SEC24B: variants seen among roughly 807,000 people sequenced by gnomAD.
SEC24B encodes the protein SEC24 homolog B, COPII component.
Under a neutral mutation model 142.8 loss-of-function variants are expected in SEC24B, and 45 were observed. The ratio of observed to expected loss-of-function variants is 0.32; its 90% CI spans 0.25 to 0.40. The LOEUF (loss-of-function observed/expected upper bound fraction) is 0.40. Among genes scored for constraint, SEC24B ranks in the 10% least tolerant of loss-of-function variants. The pLI, the probability that SEC24B is intolerant of heterozygous loss-of-function variation, is 1.00. For synonymous variants in SEC24B, 574 were observed against 568.2 expected (o/e 1.01, Z -0.15); for missense variants, 1,409 against 1,526.8 (o/e 0.92, Z 1.29).
intron 2 of SEC24B, among the ~76,000 whole-genome samples, chr4:109,470,446 A>G (rs1316090825): frequency 2.6e-5 from 4 of 152,228 alleles, no homozygotes; most frequent in African/African-American, 4.8e-5. Flanking sequence ...GGATGCCTCT[A>G]TGGCAAATGA....
In SEC24B at chr4:109,538,483, C is replaced by A. The variant is rs1411972660; in HGVS notation, c.3589-10C>A. ...AAAGGAAAGTTTCCTAATTGTATTTCTTTTACCAGACACATCTTCCAGAGC... is the reference window on the plus strand; with the variant it reads ...AAAGGAAAGTTTCCTAATTGTATTTATTTTACCAGACACATCTTCCAGAGC... On this transcript the variant is annotated splice_polypyrimidine_tract_variant and intron_variant, in intron 22 of 23. Coordinates refer to ENST00000265175, the MANE Select transcript of SEC24B (RefSeq NM_006323.5). 2 of 1,584,826 alleles carry A rather than the reference C, an allele frequency of 1.3e-6. No individual in the cohort carries two copies. Among genetic ancestry groups the A allele is most frequent in the Non-Finnish European group, 1.7e-6 (2 of 1,153,924 alleles).
intron 22 of SEC24B, 61 bp downstream of exon 22, chr4:109,533,746 A>G: frequency 1.0e-6 from 1 of 983,558 alleles, no homozygotes; most frequent in Admixed American, 2.1e-5. Flanking sequence ...TTGATGTAAA[A>G]TTCATGTAAT....
chr4:109,481,739 A>G lies in SEC24B; in HGVS notation c.1123A>G (p.Thr375Ala), dbSNP rs1340491606. 6.8e-6 allele frequency: 11 copies of G among 1,613,796 alleles called. No homozygotes were observed. The highest frequency in any genetic ancestry group is 1.7e-5 in the Admixed American group (1 of 60,020). ...ASSAPTPLSS[T>A]SDDEEEEEED... The stretch of plus-strand genomic sequence containing the variant: ...CTCCGCACCAACTCCCTTGTCATCA[A>G]CTTCCGATGATGAGGAAGAGGAGGA... Residue 375 changes from threonine (T) to alanine (A), a missense_variant, in exon 4 of 24, where the codon ACT becomes GCT. Around this residue, in one of 2 missense-constraint regions of SEC24B, gnomAD observed 709 missense variants for 673.5 expected, o/e 1.05. Transcript: ENST00000265175.
chr4:109,531,915 A>G (rs758940547), intron 20 of SEC24B, among the ~76,000 whole-genome samples: 8 of 152,122 alleles, frequency 5.3e-5, no homozygotes, highest in Non-Finnish European at 1.0e-4. Context: ...GCTGGAGTGC[A>G]GTGGTGTGAT....
intron 10 of SEC24B, among the ~76,000 whole-genome samples, chr4:109,514,358 G>C (rs1383716228): frequency 6.6e-6 from 1 of 151,976 alleles, no homozygotes; most frequent in Non-Finnish European, 1.5e-5. Context: ...CTGGCCCTAA[G>C]GTTTGCTCAT....
At chr4:109,437,785 TG>T (rs1211394103) in intron 1 of SEC24B, among the ~76,000 whole-genome samples, 1 of 152,098 alleles carries the variant, frequency 6.6e-6, no homozygotes, top group East Asian at 1.9e-4. Context: ...CCACCACTCC[TG>T]GGTAATTTTT....
intron 2 of SEC24B, among the ~76,000 whole-genome samples, chr4:109,467,467 T>C (rs1040593856): frequency 9.2e-5 from 14 of 152,146 alleles, no homozygotes; most frequent in African/African-American, 3.1e-4. Context: ...AAACTGTCAC[T>C]GTAGTTGAAT....
At position 109,516,522 on chromosome 4, in the gene SEC24B, T is replaced by G. The variant is rs1306632480; in HGVS notation, c.2014-6T>G. 2.5e-6 allele frequency: 4 copies of G among 1,576,232 alleles called. No individual in the cohort carries two copies. The Admixed American group carries it at 6.8e-5, about 27-fold the overall frequency. On this transcript the variant is annotated splice_polypyrimidine_tract_variant and splice_region_variant and intron_variant, in intron 10 of 23. Transcript: ENST00000265175. The stretch of plus-strand genomic sequence containing the variant: ...AAATAACTTACTTTATTTTTATTCC[T>G]TTCAGCTGCGTCCTCCTCAACCTGC...
chr4:109,529,168 T>G (rs1724611451), intron 18 of SEC24B, among the ~76,000 whole-genome samples: 1 of 150,678 alleles, frequency 6.6e-6, no homozygotes, highest in African/African-American at 2.4e-5. Context: ...GTCTCGGGGG[T>G]GGGGGGAAAA....
At chr4:109,528,075 T>C (rs1423601791) in intron 18 of SEC24B, among the ~76,000 whole-genome samples, 1 of 152,002 alleles carries the variant, frequency 6.6e-6, no homozygotes, top group African/African-American at 2.4e-5. Context: ...CTCAAAGACA[T>C]TGTGCTGAAT....
chr4:109,490,664 A>G (rs551343406), intron 4 of SEC24B, among the ~76,000 whole-genome samples: 1 of 152,244 alleles, frequency 6.6e-6, no homozygotes, highest in South Asian at 2.1e-4. Flanking sequence ...ATAAATTGTC[A>G]CTGAACTCTC....
At chr4:109,521,651 A>G (rs1723625024) in intron 14 of SEC24B, 25 bp downstream of exon 14, 1 of 1,464,064 alleles carries the variant, frequency 6.8e-7, no homozygotes, top group Admixed American at 1.8e-5. Flanking sequence ...GTTTTTTGTC[A>G]TATTCAAGAT....
chr4:109,445,648 G>A (rs949860619), intron 1 of SEC24B, among the ~76,000 whole-genome samples: 6 of 150,924 alleles, frequency 4.0e-5, no homozygotes, highest in South Asian at 2.1e-4. Context: ...GGCTCACTGC[G>A]GCCTCAATCT....
chr4:109,484,878 G>A (rs957893497), intron 4 of SEC24B, among the ~76,000 whole-genome samples: 10 of 150,524 alleles, frequency 6.6e-5, no homozygotes, highest in Admixed American at 2.6e-4. Context: ...AAAAGATTTA[G>A]CATTTATGGC....
intron 1 of SEC24B, among the ~76,000 whole-genome samples, chr4:109,456,213 A>G (rs1730649785): frequency 6.6e-6 from 1 of 151,708 alleles, no homozygotes. Flanking sequence ...ATTCTTGTAT[A>G]TTGACCTTAT....
In SEC24B at chr4:109,538,508, C is replaced by G; in HGVS notation, c.3604C>G (p.Leu1202Val). 1 of 1,611,408 alleles carries G rather than the reference C, an allele frequency of 6.2e-7. No individual in the cohort carries two copies. The highest frequency in any genetic ancestry group is 8.5e-7 in the Non-Finnish European group (1 of 1,177,604). Residue 1202 changes from leucine to valine, a missense_variant, in exon 23 of 24, where the codon CTA becomes GTA. Transcript: ENST00000265175. The part of the protein sequence containing the change: ...IPQKMTHLPE[L>V]DTLSSERARS... ...CTTTTACCAGACACATCTTCCAGAGCTAGATACACTTTCATCAGAAAGAGC... is the reference window on the plus strand; with the variant it reads ...CTTTTACCAGACACATCTTCCAGAGGTAGATACACTTTCATCAGAAAGAGC...
chr4:109,479,523 C>T (rs576240493), intron 3 of SEC24B, among the ~76,000 whole-genome samples: 15 of 152,288 alleles, frequency 9.8e-5, no homozygotes, highest in African/African-American at 2.2e-4. Context: ...AACCCCTTGC[C>T]GGCTGTAGCT....
intron 1 of SEC24B, among the ~76,000 whole-genome samples, chr4:109,452,341 T>G (rs1258585934): frequency 1.3e-5 from 2 of 152,254 alleles, no homozygotes; most frequent in Non-Finnish European, 1.5e-5. Flanking sequence ...ACATCTTGGT[T>G]GTTTCCAGTG....
chr4:109,505,982 CATT>C (rs946623429), intron 6 of SEC24B, among the ~76,000 whole-genome samples: 1 of 152,122 alleles, frequency 6.6e-6, no homozygotes, highest in African/African-American at 2.4e-5. Flanking sequence ...GGTACCAACT[CATT>C]ATTGTGAAAG....
Sources: allele counts gnomAD v4.1 joint callset (sites outside exome capture counted in the v4.1 genomes callset), GRCh38; gene constraint gnomAD v4.1.1; regional missense constraint gnomAD v4.1.1; transcripts MANE v1.5; gene names NCBI Gene and HGNC (gene_info 2026-07-23, HGNC 2026-07-21).